The following FCHSD2 variants were observed in gnomAD, a reference collection of about 807,000 sequenced individuals.
The protein encoded by FCHSD2 is FCH and double SH3 domains 2, also known as F-BAR and double SH3 domains protein 2.
In FCHSD2, 38 loss-of-function variants were observed where a neutral mutation model predicts 108.1. The observed-to-expected ratio is 0.35, with a 90% CI of 0.27 to 0.46. The LOEUF (loss-of-function observed/expected upper bound fraction) is 0.46, where lower values mean the gene tolerates loss of function less well. Ranked by LOEUF, FCHSD2 falls within the 20% of genes least tolerant of loss-of-function variation. The probability of loss-of-function intolerance (pLI) is 1.00; values close to 1 mark genes in which losing one functional copy is unlikely to be tolerated. For synonymous variants in FCHSD2, 279 were observed against 314.7 expected (o/e 0.89, Z 1.20); for missense variants, 751 against 897.8 (o/e 0.84, Z 2.09).
intron 2 of FCHSD2, among the ~76,000 whole-genome samples, chr11:73,113,213 T>C (rs1280434976): frequency 1.3e-5 from 2 of 152,054 alleles, no homozygotes; most frequent in Non-Finnish European, 2.9e-5. Flanking sequence ...GAAGTCCTTC[T>C]CTGTGTTATC....
chr11:72,889,355 TTTTC>T (rs1167942225), intron 11 of FCHSD2, among the ~76,000 whole-genome samples: 7 of 152,206 alleles, frequency 4.6e-5, no homozygotes, highest in Admixed American at 6.5e-5. Flanking sequence ...ACTATCACAA[TTTTC>T]TTTGTTAATT....
intron 8 of FCHSD2, among the ~76,000 whole-genome samples, chr11:72,942,425 G>C (rs1376161637): frequency 6.6e-6 from 1 of 152,026 alleles, no homozygotes; most frequent in African/African-American, 2.4e-5. Flanking sequence ...AATGTAAATG[G>C]GCTAACACAG....
intron 2 of FCHSD2, among the ~76,000 whole-genome samples, chr11:73,093,663 G>A (rs1464004691): frequency 2.6e-5 from 4 of 151,864 alleles, no homozygotes; most frequent in African/African-American, 4.8e-5. Context: ...GTGCAATGAC[G>A]CGGTCTTGGC....
intron 2 of FCHSD2, among the ~76,000 whole-genome samples, chr11:73,120,882 A>C (rs796126006): frequency 5.9e-5 from 9 of 152,154 alleles, no homozygotes; most frequent in African/African-American, 2.2e-4. Flanking sequence ...GAATGCTCTA[A>C]CAGCACTGGA....
chr11:73,089,896 G>C (rs1346643577), intron 2 of FCHSD2, among the ~76,000 whole-genome samples: 1 of 151,956 alleles, frequency 6.6e-6, no homozygotes, highest in African/African-American at 2.4e-5. Flanking sequence ...CCGAGAAAGA[G>C]TAATATTTTT....
At chr11:73,121,589 A>G (rs1327542499) in intron 2 of FCHSD2, among the ~76,000 whole-genome samples, 1 of 152,172 alleles carries the variant, frequency 6.6e-6, no homozygotes, top group Non-Finnish European at 1.5e-5. Context: ...CATTTTATAA[A>G]CAGAAAATCA....
intron 9 of FCHSD2, among the ~76,000 whole-genome samples, chr11:72,905,965 T>G (rs1025726231): frequency 2.6e-5 from 4 of 152,106 alleles, no homozygotes; most frequent in South Asian, 2.1e-4. Flanking sequence ...GTAATGGGAT[T>G]GCTGGGTCAA....
intron 2 of FCHSD2, among the ~76,000 whole-genome samples, chr11:73,107,416 T>C (rs1217799629): frequency 6.6e-6 from 1 of 152,228 alleles, no homozygotes; most frequent in Non-Finnish European, 1.5e-5. Context: ...TGAGATATTT[T>C]GATACAGGCA....
intron 2 of FCHSD2, among the ~76,000 whole-genome samples, chr11:73,102,305 G>A (rs1341197687): frequency 2.0e-5 from 3 of 152,078 alleles, no homozygotes; most frequent in African/African-American, 4.8e-5. Flanking sequence ...TAGACTCTGG[G>A]GAAATTTTTG....
chr11:72,943,110 G>A (rs920340700), intron 8 of FCHSD2, among the ~76,000 whole-genome samples: 2 of 152,046 alleles, frequency 1.3e-5, no homozygotes, highest in African/African-American at 4.8e-5. Context: ...TCCTTCCTTG[G>A]CCTCCTGAGT....
intron 12 of FCHSD2, among the ~76,000 whole-genome samples, chr11:72,885,550 G>A (rs1008003864): frequency 3.9e-5 from 6 of 152,218 alleles, no homozygotes; most frequent in East Asian, 3.9e-4. Context: ...TGGGGATGGC[G>A]GGAGGTTTCG....
chr11:72,968,900 C>A (rs1040991649), intron 8 of FCHSD2, among the ~76,000 whole-genome samples: 6 of 152,108 alleles, frequency 3.9e-5, no homozygotes, highest in Non-Finnish European at 8.8e-5. Context: ...AATTGGTAAA[C>A]AAAACAAAAA....
chr11:73,015,471 C>T (rs937724541), intron 4 of FCHSD2, among the ~76,000 whole-genome samples: 3 of 152,006 alleles, frequency 2.0e-5, no homozygotes, highest in Admixed American at 6.6e-5. Context: ...GTTTCATCAC[C>T]GTCACAATAA....
chr11:72,938,037 G>C (rs1389025802), intron 8 of FCHSD2, among the ~76,000 whole-genome samples: 1 of 152,202 alleles, frequency 6.6e-6, no homozygotes, highest in Non-Finnish European at 1.5e-5. Flanking sequence ...AGTATGACAT[G>C]AATTGAGATA....
intron 3 of FCHSD2, among the ~76,000 whole-genome samples, chr11:73,045,217 GA>G (rs1430549054): frequency 2.0e-5 from 3 of 151,996 alleles, no homozygotes; most frequent in Non-Finnish European, 4.4e-5. Flanking sequence ...ACCACAATGA[GA>G]TACCATCTCA....
At chr11:73,040,891 C>T (rs1464223422) in intron 3 of FCHSD2, among the ~76,000 whole-genome samples, 2 of 152,162 alleles carry the variant, frequency 1.3e-5, no homozygotes, top group African/African-American at 2.4e-5. Flanking sequence ...AACTGCTCCC[C>T]CCCCTCTTTG....
At chr11:72,878,135 TG>T (rs1249253964) in intron 12 of FCHSD2, among the ~76,000 whole-genome samples, 2 of 152,164 alleles carry the variant, frequency 1.3e-5, no homozygotes, top group African/African-American at 4.8e-5. Context: ...TCCCTCTGGC[TG>T]GGCATAGTGG....
intron 2 of FCHSD2, among the ~76,000 whole-genome samples, chr11:73,119,882 T>C (rs1056773265): frequency 6.6e-6 from 1 of 152,242 alleles, no homozygotes; most frequent in African/African-American, 2.4e-5. Context: ...TCTGCTTTCA[T>C]GCTGCTGATA....
chr11:72,981,524 T>C (rs1421624094), intron 8 of FCHSD2, among the ~76,000 whole-genome samples: 1 of 152,238 alleles, frequency 6.6e-6, no homozygotes, highest in African/African-American at 2.4e-5. Flanking sequence ...AAAATATTCA[T>C]AGGGAAAAAT....
Sources: gnomAD v4.1 joint callset for allele counts (sites outside exome capture counted in the v4.1 genomes callset) on GRCh38, gnomAD v4.1.1 for gene constraint, MANE v1.5 for transcripts, NCBI Gene and HGNC (gene_info 2026-07-23, HGNC 2026-07-21) for gene names.